Variants in PRKAA2 observed in about 807,000 individuals in gnomAD.
PRKAA2 encodes the protein 5'-AMP-activated protein kinase catalytic subunit alpha-2.
A neutral mutation model predicts 56.3 loss-of-function variants in PRKAA2; 40 were observed. That is an observed-to-expected ratio of 0.71 (90% CI 0.55 to 0.92). The LOEUF is 0.92. Ranked by LOEUF, PRKAA2 falls within the 40% of genes least tolerant of loss-of-function variation. The pLI is 0.00. For synonymous variants in PRKAA2, 214 were observed against 234.2 expected, an observed-to-expected ratio of 0.91 and a Z score of 0.79; for missense variants, 542 against 686.9, an observed-to-expected ratio of 0.79 and a Z score of 2.36.
chr1:56,677,869 T>TG (rs1644124758), intron 2 of PRKAA2, among the ~76,000 whole-genome samples: 2 of 152,168 alleles, frequency 1.3e-5, no homozygotes. Flanking sequence ...TTTGCCAGGC[T>TG]GGTCTCGACC....
chr1:56,706,625 C>G (rs867779122), intron 8 of PRKAA2, among the ~76,000 whole-genome samples: 1 of 152,132 alleles, frequency 6.6e-6, no homozygotes, highest in Admixed American at 6.5e-5. Flanking sequence ...CCAGGGCGAC[C>G]AAATAGGTCT....
intron 1 of PRKAA2, among the ~76,000 whole-genome samples, chr1:56,667,330 A>G (rs1644043596): frequency 6.6e-6 from 1 of 152,112 alleles, no homozygotes; most frequent in Non-Finnish European, 1.5e-5. Flanking sequence ...CGTGAGGGGA[A>G]CATTGTAACT....
In PRKAA2 at chr1:56,707,761, T is replaced by G. The variant is rs754810442; in HGVS notation, c.*48T>G. 5 of 1,462,888 alleles carry G rather than the reference T, an allele frequency of 3.4e-6. No homozygotes were observed. The East Asian group carries it at 9.1e-5, about 27-fold the overall frequency. 90.6% of individuals were successfully genotyped at this position (1,462,888 alleles called of 1,614,324 possible). On this transcript the variant is annotated 3_prime_UTR_variant, in exon 9 of 9. Coordinates refer to ENST00000371244, the MANE Select transcript of PRKAA2 (RefSeq NM_006252.4). Reference sequence around the variant, plus strand: ...TATTGCACTATGAAAATCAGTTATATTCTTTAAATTTTTATCTTACTTTTG... The same window carrying G: ...TATTGCACTATGAAAATCAGTTATAGTCTTTAAATTTTTATCTTACTTTTG...
chr1:56,655,280 A>ATATTTTTTTTT, intron 1 of PRKAA2, among the ~76,000 whole-genome samples: 1 of 93,680 alleles, frequency 1.1e-5, no homozygotes, highest in African/African-American at 4.5e-5. Flanking sequence ...ATATATATAT[A>ATATTTTTTTTT]TTTTTTTTTT....
intron 1 of PRKAA2, among the ~76,000 whole-genome samples, chr1:56,650,456 G>A (rs1423825264): frequency 6.6e-6 from 1 of 152,142 alleles, no homozygotes; most frequent in Non-Finnish European, 1.5e-5. Flanking sequence ...GAGAGTTCTT[G>A]TAATTAGACT....
chr1:56,651,611 A>G (rs1643898297), intron 1 of PRKAA2, among the ~76,000 whole-genome samples: 1 of 152,222 alleles, frequency 6.6e-6, no homozygotes, highest in Non-Finnish European at 1.5e-5. Flanking sequence ...GCTCATATTT[A>G]TCAGAATTGA....
Position 56,710,808 on chromosome 1 carries a change from G to T in PRKAA2, c.*3095G>T, listed in dbSNP as rs190770515. 5.3e-5 allele frequency: 8 copies of T among 152,158 alleles called. No homozygotes were observed. In the East Asian group the frequency reaches 5.8e-4, roughly 11 times the overall value. The allele number at this position is 152,158 out of a possible 1,614,324, so 9.4% of individuals were successfully genotyped here. ...TTACTTGTTAAAAAAAAGTCTAAGA[G>T]ACTAATGACTCATGCTTATGGCTCA... On this transcript the variant is annotated 3_prime_UTR_variant, in exon 9 of 9. Transcript: ENST00000371244.
chr1:56,689,548 C>A (rs1163360761), intron 2 of PRKAA2, among the ~76,000 whole-genome samples: 1 of 151,746 alleles, frequency 6.6e-6, no homozygotes, highest in Admixed American at 6.6e-5. Context: ...TGAAACCCCC[C>A]TCTCTACTAA....
chr1:56,669,607 CT>C (rs1257015150), intron 1 of PRKAA2, among the ~76,000 whole-genome samples: 3 of 152,182 alleles, frequency 2.0e-5, no homozygotes, highest in Admixed American at 6.5e-5. Context: ...CATTTCCTGG[CT>C]TATTATTGCC....
chr1:56,703,706 A>G (rs1644311964), intron 6 of PRKAA2, among the ~76,000 whole-genome samples: 1 of 152,220 alleles, frequency 6.6e-6, no homozygotes, highest in South Asian at 2.1e-4. Context: ...CATTGGCAAC[A>G]AATATTGCTG....
Position 56,668,060 on chromosome 1 carries a change from A to T in PRKAA2, c.95-6321A>T, listed in dbSNP as rs559123831. On this transcript the variant is annotated intron_variant, in intron 1 of 8. Transcript: ENST00000371244. ...TACGATGATAGACTTGATTTTACTT[A>T]TTATATAGACTAATAACTTCCTGGG... 1.5e-4 allele frequency among the ~76,000 whole-genome samples: 23 copies of T among 152,270 alleles called. No homozygotes were observed. In the East Asian group the frequency reaches 3.9e-3, roughly 26 times the overall value.
intron 6 of PRKAA2, among the ~76,000 whole-genome samples, 193 bp downstream of exon 6, chr1:56,696,352 T>C (rs1644259126): frequency 6.6e-6 from 1 of 152,198 alleles, no homozygotes; most frequent in Admixed American, 6.5e-5. Flanking sequence ...GTTTATATTA[T>C]TCACTTTGCC....
chr1:56,707,338 C>A, intron 8 of PRKAA2, 137 bp from the exon 9 acceptor site: 1 of 699,672 alleles, frequency 1.4e-6, no homozygotes, highest in Non-Finnish European at 2.4e-6. Context: ...GTTTCTACAA[C>A]ACAGAAACAT....
At chr1:56,651,648 T>A (rs1333840391) in intron 1 of PRKAA2, among the ~76,000 whole-genome samples, 1 of 152,186 alleles carries the variant, frequency 6.6e-6, no homozygotes, top group Non-Finnish European at 1.5e-5. Flanking sequence ...TGTCTTTCAG[T>A]CCATATTTAG....
At position 56,707,830 on chromosome 1, in the gene PRKAA2, C is replaced by T. The variant is rs901534418; in HGVS notation, c.*117C>T. ...ACTAATTGAGAAACATGAATTATTT[C>T]CAGGGGCACACAATGCTATTGAAAT... is the stretch of plus-strand genomic sequence containing the variant. On this transcript the variant is annotated 3_prime_UTR_variant, in exon 9 of 9. Coordinates refer to ENST00000371244, the MANE Select transcript of PRKAA2 (RefSeq NM_006252.4). 63 of 955,594 alleles carry T rather than the reference C, an allele frequency of 6.6e-5. No individual in the cohort carries two copies. Among genetic ancestry groups the T allele is most frequent in the Non-Finnish European group, 8.3e-5 (53 of 635,722 alleles). 59.2% of individuals were successfully genotyped at this position (955,594 alleles called of 1,614,324 possible).
chr1:56,703,886 A>G, intron 6 of PRKAA2, 85 bp from the exon 7 acceptor site: 1 of 1,403,078 alleles, frequency 7.1e-7, no homozygotes, highest in East Asian at 2.3e-5. Flanking sequence ...TCTTTTGATT[A>G]TATTCTATTA....
At chr1:56,645,927 A>G (rs902614111) in intron 1 of PRKAA2, among the ~76,000 whole-genome samples, 8 of 152,254 alleles carry the variant, frequency 5.3e-5, no homozygotes, top group Admixed American at 2.0e-4. Flanking sequence ...GTGCCCTGTT[A>G]GGTGCTTTAC....
intron 1 of PRKAA2, among the ~76,000 whole-genome samples, chr1:56,665,420 A>G (rs995570627): frequency 6.6e-6 from 1 of 152,046 alleles, no homozygotes; most frequent in African/African-American, 2.4e-5. Context: ...TTTTCTTTCC[A>G]TTTCTTAGAT....
At chr1:56,647,116 G>C (rs1646649485) in intron 1 of PRKAA2, among the ~76,000 whole-genome samples, 1 of 152,192 alleles carries the variant, frequency 6.6e-6, no homozygotes, top group African/African-American at 2.4e-5. Context: ...TTGCTGTCCT[G>C]TGAGGGTTAT....
Sources: allele counts gnomAD v4.1 joint callset (sites outside exome capture counted in the v4.1 genomes callset), GRCh38; gene constraint gnomAD v4.1.1; transcripts MANE v1.5; gene names NCBI Gene and HGNC (gene_info 2026-07-23, HGNC 2026-07-21).